The following NEGR1 variants were observed in gnomAD, a reference collection of about 807,000 sequenced individuals.
NEGR1 encodes IgLON family member 4.
In NEGR1, 10 loss-of-function variants were observed where a neutral mutation model predicts 40.9. The ratio of observed to expected loss-of-function variants is 0.24; its 90% CI spans 0.15 to 0.42. The LOEUF (loss-of-function observed/expected upper bound fraction) is 0.42. Among genes scored for constraint, NEGR1 ranks in the 10% least tolerant of loss-of-function variants. The pLI is 1.00. For synonymous variants in NEGR1, 185 were observed against 166.8 expected (o/e 1.11, Z -0.84); for missense variants, 352 against 438.9 (o/e 0.80, Z 1.77).
intron 1 of NEGR1, among the ~76,000 whole-genome samples, chr1:71,955,134 T>C (rs1303829022): frequency 1.3e-5 from 2 of 152,128 alleles, no homozygotes. Flanking sequence ...TTCTAAGATA[T>C]CCTTCAAATT....
intron 1 of NEGR1, among the ~76,000 whole-genome samples, chr1:71,940,993 T>C (rs1474375629): frequency 1.3e-5 from 2 of 152,124 alleles, no homozygotes; most frequent in Non-Finnish European, 2.9e-5. Context: ...TCAAGACATT[T>C]TGATTAATGA....
At chr1:71,494,224 C>T (rs1646947496) in intron 6 of NEGR1, among the ~76,000 whole-genome samples, 1 of 152,152 alleles carries the variant, frequency 6.6e-6, no homozygotes, top group Admixed American at 6.6e-5. Flanking sequence ...GCTATATCAC[C>T]TCTAATCTCA....
chr1:72,256,159 C>T (rs1180919466), intron 1 of NEGR1, among the ~76,000 whole-genome samples: 2 of 152,182 alleles, frequency 1.3e-5, no homozygotes, highest in Non-Finnish European at 2.9e-5. Context: ...TAGTAGCTTG[C>T]AGTTTAGGTT....
intron 1 of NEGR1, among the ~76,000 whole-genome samples, chr1:72,232,723 C>T (rs1184632768): frequency 1.3e-5 from 2 of 151,808 alleles, no homozygotes; most frequent in Non-Finnish European, 2.9e-5. Context: ...CATTCTGTTG[C>T]CTTGGGCAGA....
chr1:71,434,819 C>T (rs6691290), intron 6 of NEGR1, among the ~76,000 whole-genome samples: 150,256 of 152,294 alleles, frequency 0.99, 74,123 homozygotes, highest in East Asian at 0.99. Context: ...AGGCCGGGCG[C>T]GGTGGCTCAC....
chr1:72,006,489 T>G (rs1488405770), intron 1 of NEGR1, among the ~76,000 whole-genome samples: 2 of 152,152 alleles, frequency 1.3e-5, no homozygotes, highest in Admixed American at 1.3e-4. Context: ...CCTGCTCACA[T>G]TTTCTCATGG....
At chr1:71,484,782 G>T (rs1458693826) in intron 6 of NEGR1, 1 of 151,566 alleles carries the variant, frequency 6.6e-6, no homozygotes, top group Non-Finnish European at 1.5e-5. Flanking sequence ...CTCCTTCTTT[G>T]CAGGGATGAA....
intron 4 of NEGR1, among the ~76,000 whole-genome samples, chr1:71,648,977 A>G (rs1651619562): frequency 1.3e-5 from 2 of 152,046 alleles, no homozygotes; most frequent in Admixed American, 6.6e-5. Context: ...AAGACTAGTT[A>G]AATGCTTTCC....
At position 72,074,113 on chromosome 1, in the gene NEGR1, T is replaced by C. The variant is rs181544892; in HGVS notation, c.177-138802A>G. On this transcript the variant is annotated intron_variant, in intron 1 of 6. Transcript: ENST00000357731. ...GGTCATTAAACTGGACCCTTTGTTT[T>C]CCTTTCATGGTGATACATAAAACAA... Among the ~76,000 whole-genome samples the C allele has an allele frequency of 1.4e-4, 21 of 152,204 alleles. No individual in the cohort carries two copies. The East Asian group carries it at 3.9e-3, about 28-fold the overall frequency.
intron 6 of NEGR1, among the ~76,000 whole-genome samples, chr1:71,434,910 T>C (rs1163799720): frequency 3.9e-5 from 6 of 152,196 alleles, no homozygotes; most frequent in East Asian, 1.9e-4. Flanking sequence ...GCTAAAACGG[T>C]GAAACCCCGT....
chr1:71,609,572 T>C (rs1417500024), intron 5 of NEGR1, among the ~76,000 whole-genome samples: 21 of 137,842 alleles, frequency 1.5e-4, no homozygotes, highest in Admixed American at 4.5e-4. Flanking sequence ...GAGACTGTTA[T>C]GGGGATATTA....
chr1:71,423,624 T>G (rs1646410996), intron 6 of NEGR1, among the ~76,000 whole-genome samples: 1 of 152,172 alleles, frequency 6.6e-6, no homozygotes, highest in South Asian at 2.1e-4. Flanking sequence ...AACTAGTCTC[T>G]TCTACTTGCC....
intron 1 of NEGR1, among the ~76,000 whole-genome samples, chr1:72,218,290 C>A (rs757767219): frequency 7.9e-5 from 12 of 151,618 alleles, no homozygotes; most frequent in Admixed American, 4.0e-4. Flanking sequence ...TATATTGGGT[C>A]TAAAATTAAG....
intron 1 of NEGR1, among the ~76,000 whole-genome samples, chr1:71,969,039 A>G (rs1646234871): frequency 6.6e-6 from 1 of 151,446 alleles, no homozygotes; most frequent in African/African-American, 2.4e-5. Flanking sequence ...TTTGAGACAG[A>G]GTTTCGCTCT....
At chr1:72,195,502 A>T (rs1443533686) in intron 1 of NEGR1, among the ~76,000 whole-genome samples, 1 of 151,658 alleles carries the variant, frequency 6.6e-6, no homozygotes, top group Non-Finnish European at 1.5e-5. Flanking sequence ...GTCTTCATTT[A>T]AAAAAAATAG....
At chr1:71,597,430 A>ATATATG (rs1247383390) in intron 5 of NEGR1, among the ~76,000 whole-genome samples, 2 of 58,880 alleles carry the variant, frequency 3.4e-5, no homozygotes, top group African/African-American at 5.7e-5. Flanking sequence ...ATATATATAT[A>ATATATG]TGTCTCTCTC....
chr1:71,721,560 T>C lies in NEGR1; in HGVS notation c.536-23421A>G, dbSNP rs192531297. ...AGGGGGAAGTAAAATAGAGCAAGTT[T>C]TCTAAAAGTTGGCACTACTGCTATT... On this transcript the variant is annotated intron_variant, in intron 3 of 6. Transcript: ENST00000357731. 3.0e-3 allele frequency among the ~76,000 whole-genome samples: 457 copies of C among 152,228 alleles called. 1 individual carries two copies. Among genetic ancestry groups the C allele is most frequent in the African/African-American group, 9.7e-3 (404 of 41,536 alleles).
intron 6 of NEGR1, among the ~76,000 whole-genome samples, chr1:71,442,358 T>C (rs1646553917): frequency 6.6e-6 from 1 of 151,408 alleles, no homozygotes. Context: ...CTCAAGCCTG[T>C]AATACCAGCA....
At chr1:71,618,864 G>T (rs10889922) in intron 4 of NEGR1, among the ~76,000 whole-genome samples, 15,019 of 151,972 alleles carry the variant, frequency 0.099, 1,417 homozygotes, top group African/African-American at 0.25. Context: ...TTTTATTTGA[G>T]CATTTTGTGG....
Sources: gnomAD v4.1 joint callset for allele counts (sites outside exome capture counted in the v4.1 genomes callset) on GRCh38, gnomAD v4.1.1 for gene constraint, MANE v1.5 for transcripts, NCBI Gene and HGNC (gene_info 2026-07-23, HGNC 2026-07-21) for gene names.